TEP1: variants seen among roughly 807,000 people sequenced by gnomAD.
The protein encoded by TEP1 is telomerase protein component 1.
Under a neutral mutation model 306.3 loss-of-function variants are expected in TEP1, and 241 were observed. The observed-to-expected ratio is 0.79, with a 90% CI of 0.71 to 0.88. The LOEUF is 0.88. TEP1 is among the 40% of genes least tolerant of loss of function. The pLI is 0.00. For missense variants in TEP1, 3,051 were observed against 3,276.1 expected (o/e 0.93, Z 1.68); for synonymous variants, 1,289 against 1,305.5 (o/e 0.99, Z 0.27).
At position 20,383,159 on chromosome 14, in the gene TEP1, G is replaced by T. The variant is rs763910539; in HGVS notation, c.4047+15C>A. 1.3e-6 allele frequency: 2 copies of T among 1,571,662 alleles called. No individual in the cohort carries two copies. The highest frequency in any genetic ancestry group is 1.4e-5 in the African/African-American group (1 of 73,484). On this transcript the variant is annotated intron_variant, in intron 27 of 54. Transcript: ENST00000262715. ...TTCACCCCACACACCCACCGGCCCC[G>T]GCCTAGAACCCAACCTGGTTGTTAA...
At chr14:20,383,987 T>C in intron 24 of TEP1, 51 bp downstream of exon 24, 1 of 1,585,520 alleles carries the variant, frequency 6.3e-7, no homozygotes, top group Non-Finnish European at 8.6e-7. Context: ...CTTACCTCCT[T>C]AGCCCACACA....
At chr14:20,397,345 A>G (rs1462835109) in intron 9 of TEP1, among the ~76,000 whole-genome samples, 1 of 152,200 alleles carries the variant, frequency 6.6e-6, no homozygotes, top group East Asian at 1.9e-4. Context: ...CCCCGTCTCT[A>G]CAAAAATACA....
intron 26 of TEP1, 65 bp from the exon 27 acceptor site, chr14:20,383,418 C>T: frequency 6.2e-7 from 1 of 1,608,556 alleles, no homozygotes; most frequent in South Asian, 1.1e-5. Flanking sequence ...GGAGAGGCCT[C>T]TCTCCTCCGT....
In TEP1 at chr14:20,383,639, A is replaced by C; in HGVS notation, c.3716T>G (p.Leu1239Arg). ...PGALPSTYRS[L>R]VWELQQRLLP... ...CAGCCTCTGCTGCAGCTCCCACACC[A>C]GGCTTCTGTACATGGAGAGGAAGTC... The change falls in exon 26 of 55, where the codon CTG becomes CGG. Residue 1239 changes from leucine to arginine, a missense_variant. Physicochemically the swap from Leu to Arg is moderately radical, Grantham distance 102. Transcript: ENST00000262715. The C allele has an allele frequency of 1.2e-6, 2 of 1,613,302 alleles. No homozygotes were observed. The highest frequency in any genetic ancestry group is 1.7e-6 in the Non-Finnish European group (2 of 1,179,770).
rs544677091 is a variant in TEP1 at position 20,404,696 on chromosome 14, G to C, written c.947C>G (p.Pro316Arg). ...TCGTCGCAGGTGGGGGCGACACGCC[G>C]GCAAGAAAGCAGCAATGGCCAAGAT... ...NNILAIAAFL[P>R]ACRPHLRRYF... The change falls in exon 5 of 55, where the codon CCG becomes CGG. Residue 316 changes from proline (P) to arginine (R), a missense_variant. Physicochemically the swap from Pro to Arg is moderately radical, Grantham distance 103. Coordinates refer to ENST00000262715, the MANE Select transcript of TEP1 (RefSeq NM_007110.5). 6.2e-7 allele frequency: 1 copy of C among 1,614,120 alleles called. No individual in the cohort carries two copies.
chr14:20,372,613 C>CT, intron 49 of TEP1, 120 bp downstream of exon 49: 2 of 1,447,392 alleles, frequency 1.4e-6, no homozygotes, highest in Non-Finnish European at 1.9e-6. Flanking sequence ...AAATAATGTC[C>CT]CACTCAGTAA....
intron 9 of TEP1, among the ~76,000 whole-genome samples, chr14:20,399,632 T>TAAAA (rs71416944): frequency 5.1e-4 from 40 of 78,594 alleles, no homozygotes; most frequent in African/African-American, 2.1e-3. Flanking sequence ...CCCTGTTTCT[T>TAAAA]AAAAAAAAAA....
At chr14:20,386,220 G>A in intron 19 of TEP1, 25 bp from the exon 20 acceptor site, 2 of 1,613,730 alleles carry the variant, frequency 1.2e-6, no homozygotes, top group Non-Finnish European at 1.7e-6. Context: ...ATAGGGACGT[G>A]TGGGAGTCAC....
At chr14:20,392,623 T>C (rs137916490) in intron 12 of TEP1, among the ~76,000 whole-genome samples, 1 of 152,342 alleles carries the variant, frequency 6.6e-6, no homozygotes, top group Non-Finnish European at 1.5e-5. Context: ...AAAAGTGACA[T>C]AACAGACTTA....
rs773447583 is a variant in TEP1 at position 20,403,689 on chromosome 14, G to T, written c.1194+34C>A. 4 of 1,612,354 alleles carry T rather than the reference G, an allele frequency of 2.5e-6. No individual in the cohort carries two copies. The Admixed American group carries it at 6.7e-5, about 27-fold the overall frequency. ...CTTGTCCTGCCCTTCCTGGAGAAAA[G>T]GGGCGTGGGTCGAGGGCTGGGGCAG... On this transcript the variant is annotated intron_variant, in intron 6 of 54. Transcript: ENST00000262715.
intron 2 of TEP1, among the ~76,000 whole-genome samples, chr14:20,406,694 C>T (rs1242337447): frequency 6.6e-6 from 1 of 152,180 alleles, no homozygotes; most frequent in Non-Finnish European, 1.5e-5. Context: ...CTTCACACAC[C>T]TTTTAGGATA....
intron 20 of TEP1, among the ~76,000 whole-genome samples, chr14:20,385,530 G>A (rs1252276814): frequency 6.6e-6 from 1 of 152,008 alleles, no homozygotes; most frequent in Non-Finnish European, 1.5e-5. Flanking sequence ...CTACCACCAA[G>A]CCCAGCTAAT....
intron 54 of TEP1, 34 bp downstream of exon 54, chr14:20,368,762 ACG>A (rs1555319355): frequency 6.1e-5 from 88 of 1,447,246 alleles, no homozygotes; most frequent in Middle Eastern, 4.0e-4. Flanking sequence ...GTGCAGGCGC[ACG>A]CACACACACA....
rs770044035 is a variant in TEP1, at chr14:20,369,726, T to C, written c.7371A>G (p.Leu2457=). Reference sequence around the variant, plus strand: ...ATATTAGGGTCCTACTAGGATTCTCTAAGTTTATATCAAAGTTCAGCCTCT... The same window carrying C: ...ATATTAGGGTCCTACTAGGATTCTCCAAGTTTATATCAAAGTTCAGCCTCT... ...FEERLNFDIN[L]ENPSRTLISI... is the part of the protein sequence containing the mutation. Residue 2457 remains leucine, a synonymous_variant, in exon 52 of 55, where the codon TTA becomes TTG. Coordinates refer to ENST00000262715, the MANE Select transcript of TEP1 (RefSeq NM_007110.5). 7 of 1,614,074 alleles carry C rather than the reference T, an allele frequency of 4.3e-6. No homozygotes were observed. The South Asian group carries it at 6.6e-5, about 15-fold the overall frequency.
intron 33 of TEP1, 125 bp from the exon 34 acceptor site, chr14:20,380,600 A>G (rs550355208): frequency 7.2e-6 from 10 of 1,392,018 alleles, no homozygotes; most frequent in Non-Finnish European, 2.8e-6. Context: ...GCCCTATATC[A>G]GGAATATCTC....
chr14:20,378,379 C>A lies in TEP1; in HGVS notation c.5508+1G>T, dbSNP rs1447338142. ...CCAAGAGCAACACTGGACCTTCTTA[C>A]CTTGGTGACTTTGAGCCCATCCACC... On this transcript the variant is annotated splice_donor_variant, in intron 38 of 54. Coordinates refer to ENST00000262715, the MANE Select transcript of TEP1 (RefSeq NM_007110.5). LOFTEE classifies it high-confidence loss of function. 6.2e-7 allele frequency: 1 copy of A among 1,614,116 alleles called. No individual in the cohort carries two copies. The highest frequency in any genetic ancestry group is 1.3e-5 in the African/African-American group (1 of 74,942).
chr14:20,369,745 A>G lies in TEP1; in HGVS notation c.7352T>C (p.Leu2451Pro). 6.2e-7 allele frequency: 1 copy of G among 1,614,156 alleles called. No homozygotes were observed. Reference sequence around the variant, plus strand: ...ATTCTCTAAGTTTATATCAAAGTTCAGCCTCTCTTCAAACTCTCCTGATTC... The same window carrying G: ...ATTCTCTAAGTTTATATCAAAGTTCGGCCTCTCTTCAAACTCTCCTGATTC... ...QKESGEFEER[L>P]NFDINLENPS... The change falls in exon 52 of 55, where the codon CTG (leucine) becomes CCG (proline). Residue 2451 changes from leucine to proline, a missense_variant. By Grantham distance (98) the Leu-to-Pro change is moderately conservative (BLOSUM62 -3). Coordinates refer to ENST00000262715, the MANE Select transcript of TEP1 (RefSeq NM_007110.5).
chr14:20,409,063 C>T (rs552493703), intron 1 of TEP1, among the ~76,000 whole-genome samples: 1 of 152,156 alleles, frequency 6.6e-6, no homozygotes, highest in African/African-American at 2.4e-5. Flanking sequence ...GCCTCCTATT[C>T]ACTCTTTAAC....
chr14:20,376,425 G>A (rs1885181655), intron 41 of TEP1, among the ~76,000 whole-genome samples, 161 bp from the exon 42 acceptor site: 1 of 152,170 alleles, frequency 6.6e-6, no homozygotes, highest in South Asian at 2.1e-4. Context: ...AGAGGCCCTG[G>A]GCAAGGGTCA....
Sources: gnomAD v4.1 joint callset for allele counts (sites outside exome capture counted in the v4.1 genomes callset) on GRCh38, gnomAD v4.1.1 for gene constraint, MANE v1.5 for transcripts, NCBI Gene and HGNC (gene_info 2026-07-23, HGNC 2026-07-21) for gene names.